LRRFIP1: variants seen among roughly 807,000 people sequenced by gnomAD.
LRRFIP1 encodes the protein LRR binding FLII interacting protein 1, also known as leucine-rich repeat flightless-interacting protein 1.
In LRRFIP1, 62 loss-of-function variants were observed where a neutral mutation model predicts 104.4. The ratio of observed to expected loss-of-function variants is 0.59; its 90% CI spans 0.48 to 0.73. LRRFIP1 has a LOEUF of 0.73. Among genes scored for constraint, LRRFIP1 ranks in the 30% least tolerant of loss-of-function variants. The pLI is 0.00. For synonymous variants in LRRFIP1, 300 were observed against 299.0 expected, an observed-to-expected ratio of 1.00 and a Z score of -0.03; for missense variants, 796 against 824.5, an observed-to-expected ratio of 0.97 and a Z score of 0.42.
intron 1 of LRRFIP1, among the ~76,000 whole-genome samples, chr2:237,647,571 C>T (rs1369000592): frequency 6.6e-6 from 1 of 152,082 alleles, no homozygotes; most frequent in Admixed American, 6.5e-5. Context: ...TGCCCTGTTG[C>T]CTGGTGGCCG....
At chr2:237,714,308 C>A in intron 3 of LRRFIP1, 32 bp downstream of exon 3, 1 of 1,578,234 alleles carries the variant, frequency 6.3e-7, no homozygotes, top group Non-Finnish European at 8.7e-7. Context: ...TTCTAACTTG[C>A]ATGTACTGTT....
At chr2:237,765,805 C>CA (rs2060220801) in intron 19 of LRRFIP1, 1 of 964,452 alleles carries the variant, frequency 1.0e-6, no homozygotes, top group Non-Finnish European at 1.2e-6. Context: ...TATGTGGATT[C>CA]ATATTACTGT....
intron 19 of LRRFIP1, chr2:237,764,877 A>T (rs1403576512): frequency 2.0e-6 from 2 of 985,570 alleles, no homozygotes. Flanking sequence ...TATCAAATTC[A>T]TTTTATAGAA....
At chr2:237,654,315 C>A (rs1205183274) in intron 1 of LRRFIP1, among the ~76,000 whole-genome samples, 1 of 152,054 alleles carries the variant, frequency 6.6e-6, no homozygotes, top group East Asian at 1.9e-4. Context: ...AATAAGATAT[C>A]ATCTCACACC....
chr2:237,748,978 C>A (rs1187975011), intron 12 of LRRFIP1, among the ~76,000 whole-genome samples: 1 of 152,160 alleles, frequency 6.6e-6, no homozygotes, highest in Non-Finnish European at 1.5e-5. Context: ...GGAGAGAGAA[C>A]ATGTGAAGGA....
In LRRFIP1 at chr2:237,772,092, CAA is replaced by C; in HGVS notation, c.1523_1524del (p.Lys508ArgfsTer18). 6.2e-7 allele frequency: 1 copy of C among 1,612,360 alleles called. No homozygotes were observed. Among genetic ancestry groups the C allele is most frequent in the Non-Finnish European group, 8.5e-7 (1 of 1,178,962 alleles). ...GCGGGTGTTTTCAGATTAAGAAACTCAAAGGGCAGCTGGAGGAGAGACAGAAG... is the reference window on the plus strand; with the variant it reads ...GCGGGTGTTTTCAGATTAAGAAACTCAGGGCAGCTGGAGGAGAGACAGAAG... Reference protein sequence around the residue: ...ECLLEQIKKLKGQLEERQKIG... With the variant: ...ECLLEQIKKLXGQLEERQKIG... On this transcript the variant is annotated frameshift_variant, in exon 21 of 24. Transcript: ENST00000308482. LOFTEE classifies it high-confidence loss of function.
chr2:237,771,568 C>G (rs1008940122), intron 20 of LRRFIP1, among the ~76,000 whole-genome samples: 2 of 123,984 alleles, frequency 1.6e-5, no homozygotes, highest in East Asian at 2.5e-4. Context: ...CCCCCCCCGC[C>G]CAGATACCAA....
At chr2:237,768,677 C>G (rs1301377634) in intron 19 of LRRFIP1, 1 of 152,092 alleles carries the variant, frequency 6.6e-6, no homozygotes, top group Non-Finnish European at 1.5e-5. Flanking sequence ...TTATATTGTG[C>G]TTAACATTAT....
At chr2:237,759,266 G>A (rs1377607420) in intron 18 of LRRFIP1, among the ~76,000 whole-genome samples, 1 of 152,110 alleles carries the variant, frequency 6.6e-6, no homozygotes, top group African/African-American at 2.4e-5. Context: ...GTGGAAGACG[G>A]TTCCCTGTCC....
At position 237,650,040 on chromosome 2, in the gene LRRFIP1, C is replaced by T. The variant is rs140906129; in HGVS notation, c.96+22300C>T. ...TGTAGTGCACAAACCGAAGTCCCCA[C>T]GCTCTGTGACCCTGAAGATAAACTG... On this transcript the variant is annotated intron_variant, in intron 1 of 23. Transcript: ENST00000308482. Among the ~76,000 whole-genome samples, 129 of 152,130 alleles carry T rather than the reference C, an allele frequency of 8.5e-4. 2 individuals are homozygous for T. Among genetic ancestry groups the T allele is most frequent in the South Asian group, 5.6e-3 (27 of 4,818 alleles).
chr2:237,646,230 A>G (rs550271075), intron 1 of LRRFIP1, among the ~76,000 whole-genome samples: 1 of 152,028 alleles, frequency 6.6e-6, no homozygotes, highest in East Asian at 1.9e-4. Context: ...TTAAAAAAAA[A>G]TATATATGTA....
At chr2:237,764,572 G>A (rs1248473236) in intron 19 of LRRFIP1, 31 of 1,010,360 alleles carry the variant, frequency 3.1e-5, no homozygotes, top group Non-Finnish European at 3.3e-5. Flanking sequence ...TTAATGTCTT[G>A]TTCACATATG....
intron 2 of LRRFIP1, among the ~76,000 whole-genome samples, chr2:237,710,797 T>G (rs1331269479): frequency 1.3e-5 from 2 of 152,222 alleles, no homozygotes; most frequent in African/African-American, 4.8e-5. Flanking sequence ...TTCCTTTGAT[T>G]GAAAGGAAGC....
At chr2:237,688,796 CT>C (rs1324811707) in intron 1 of LRRFIP1, among the ~76,000 whole-genome samples, 2 of 152,044 alleles carry the variant, frequency 1.3e-5, no homozygotes, top group Non-Finnish European at 2.9e-5. Flanking sequence ...CCCCACCCCC[CT>C]GCTCAGACCT....
intron 11 of LRRFIP1, among the ~76,000 whole-genome samples, chr2:237,741,561 C>T (rs2057080758): frequency 6.6e-6 from 1 of 152,190 alleles, no homozygotes; most frequent in African/African-American, 2.4e-5. Flanking sequence ...GGCGCGGTGG[C>T]TCACACCTGT....
intron 19 of LRRFIP1, chr2:237,762,571 G>A (rs1178409583): frequency 6.5e-7 from 1 of 1,533,048 alleles, no homozygotes; most frequent in Non-Finnish European, 8.9e-7. Flanking sequence ...CCACATCATG[G>A]GGTCCCTTCA....
intron 11 of LRRFIP1, among the ~76,000 whole-genome samples, chr2:237,740,599 C>T (rs7575724): frequency 5.3e-5 from 8 of 152,162 alleles, no homozygotes; most frequent in South Asian, 2.1e-4. Flanking sequence ...CCTTTTTTGG[C>T]GGGCTTTTCC....
At chr2:237,671,701 G>A (rs978687139) in intron 1 of LRRFIP1, among the ~76,000 whole-genome samples, 3 of 151,674 alleles carry the variant, frequency 2.0e-5, no homozygotes, top group Non-Finnish European at 4.4e-5. Context: ...AGCTGGCCAG[G>A]GACAGGGCCA....
Position 237,733,774 on chromosome 2 carries a change from C to G in LRRFIP1, c.445C>G (p.Pro149Ala). The G allele has an allele frequency of 6.2e-7, 1 of 1,614,044 alleles. No homozygotes were observed. The highest frequency in any genetic ancestry group is 1.1e-5 in the South Asian group (1 of 91,090). ...CCTGCCATTTGCTTTCATCCTCCAG[C>G]CCTCCTGTCTGTACAGCGCTGCCCG... The part of the protein sequence containing the change: ...SQSLNRRSGR[P>A]SCLYSAARPS... The change falls in exon 9 of 24, where the codon CCC becomes GCC. Residue 149 changes from proline (P) to alanine (A), a missense_variant and splice_region_variant. By Grantham distance (27) the Pro-to-Ala change is conservative (BLOSUM62 -1). Transcript: ENST00000308482.
Sources: gnomAD v4.1 joint callset for allele counts (sites outside exome capture counted in the v4.1 genomes callset) on GRCh38, gnomAD v4.1.1 for gene constraint, MANE v1.5 for transcripts, NCBI Gene and HGNC (gene_info 2026-07-23, HGNC 2026-07-21) for gene names.